LMO3: variants seen among roughly 807,000 people sequenced by gnomAD.
LMO3 encodes LIM domain only 3.
A neutral mutation model predicts 15.8 loss-of-function variants in LMO3; 2 were observed. The ratio of observed to expected loss-of-function variants is 0.13; its 90% CI spans 0.05 to 0.40. The LOEUF (loss-of-function observed/expected upper bound fraction) is 0.40, where lower values mean the gene tolerates loss of function less well. LMO3 is among the 10% of genes least tolerant of loss of function. LMO3 has a pLI of 0.99. For synonymous variants in LMO3, 62 were observed against 63.8 expected (o/e 0.97, Z 0.13); for missense variants, 86 against 182.2 (o/e 0.47, Z 3.04).
chr12:16,577,433 T>C (rs1005492991), intron 2 of LMO3, among the ~76,000 whole-genome samples: 3 of 152,274 alleles, frequency 2.0e-5, no homozygotes, highest in Middle Eastern at 3.4e-3. Flanking sequence ...ATCATATAGG[T>C]TGTCATCTTA....
chr12:16,551,702 A>G (rs1941997301), intron 3 of LMO3, among the ~76,000 whole-genome samples: 1 of 151,974 alleles, frequency 6.6e-6, no homozygotes, highest in Non-Finnish European at 1.5e-5. Flanking sequence ...CACTGCAGTA[A>G]TTATGGATGA....
At chr12:16,561,647 A>G (rs1942410238) in intron 2 of LMO3, among the ~76,000 whole-genome samples, 1 of 152,226 alleles carries the variant, frequency 6.6e-6, no homozygotes, top group Non-Finnish European at 1.5e-5. Context: ...GAAGTCTCTC[A>G]TTACTTTCTG....
At chr12:16,609,982 C>A (rs942554958), upstream of LMO3, 1 of 151,138 alleles carries the variant, frequency 6.6e-6, no homozygotes, top group Non-Finnish European at 1.5e-5. Context: ...ATAGCACACC[C>A]TGAAAGTCCA....
At chr12:16,558,813 G>T (rs567088205) in intron 3 of LMO3, among the ~76,000 whole-genome samples, 17 of 152,248 alleles carry the variant, frequency 1.1e-4, no homozygotes, top group Non-Finnish European at 2.4e-4. Flanking sequence ...AAATTATAAA[G>T]ATAACTAACT....
Position 16,550,558 on chromosome 12 carries a change from T to C in LMO3, c.*664A>G, listed in dbSNP as rs959558371. 6 of 152,384 alleles carry C rather than the reference T, an allele frequency of 3.9e-5. No homozygotes were observed. The highest frequency in any genetic ancestry group is 8.8e-5 in the Non-Finnish European group (6 of 67,898). The allele number at this position is 152,384 out of a possible 1,614,324, so 9.4% of individuals were successfully genotyped here. A position where few individuals can be genotyped will look rare whatever the true frequency, so the allele number is the denominator to read the frequency against. On this transcript the variant is annotated 3_prime_UTR_variant, in exon 4 of 4. Coordinates refer to ENST00000537304, the MANE Select transcript of LMO3 (RefSeq NM_018640.5). Reference sequence around the variant, plus strand: ...TGCTTTAAGATGAAATTTTTATGTATTTTTTTAAAGCTGATTTTTAACCCC... The same window carrying C: ...TGCTTTAAGATGAAATTTTTATGTACTTTTTTAAAGCTGATTTTTAACCCC...
intron 1 of LMO3, chr12:16,605,446 C>T (rs1422981556): frequency 6.3e-6 from 5 of 788,000 alleles, no homozygotes; most frequent in African/African-American, 1.9e-5. Flanking sequence ...GCCCCCCCCC[C>T]CCGCCCCCAT....
intron 1 of LMO3, chr12:16,605,127 G>T (rs1943946286): frequency 7.0e-7 from 1 of 1,421,388 alleles, no homozygotes; most frequent in Non-Finnish European, 9.2e-7. Context: ...GCCCCTCGCA[G>T]TGTGCAAAAT....
chr12:16,594,122 A>G (rs1230839659), intron 2 of LMO3: 1 of 1,531,608 alleles, frequency 6.5e-7, no homozygotes, highest in South Asian at 1.2e-5. Flanking sequence ...GAATTTTACA[A>G]GTTTTAAAGC....
intron 3 of LMO3, among the ~76,000 whole-genome samples, chr12:16,551,533 T>G (rs1452443883): frequency 6.6e-6 from 1 of 151,854 alleles, no homozygotes; most frequent in South Asian, 2.1e-4. Flanking sequence ...AAATCTTGCC[T>G]TTGCATGCAA....
In LMO3 at chr12:16,604,856, TAACC is replaced by T; in HGVS notation, c.-9+1206_-9+1209del. ...AGCAAAGTGCATCTATGATAGACTG[TAACC>T]TTACCAAAACTTTTCTCCTTTTTCT... On this transcript the variant is annotated intron_variant, in intron 1 of 3. Coordinates refer to ENST00000537304, the MANE Select transcript of LMO3 (RefSeq NM_018640.5). This position sits in a 1 kb window ranked among gnomAD's most constrained non-coding sequence, Gnocchi z 5.3. 4 of 1,598,458 alleles carry T rather than the reference TAACC, an allele frequency of 2.5e-6. No individual in the cohort carries two copies. Among genetic ancestry groups the T allele is most frequent in the Non-Finnish European group, 3.4e-6 (4 of 1,179,784 alleles).
rs1308310209 is a variant in LMO3, at chr12:16,571,036, TAATA to T, written c.207-10502_207-10499del. Among the ~76,000 whole-genome samples the T allele has an allele frequency of 3.9e-5, 6 of 152,056 alleles. 1 individual carries two copies. The highest frequency in any genetic ancestry group is 8.8e-5 in the Non-Finnish European group (6 of 67,974). ...TACCCTAAAACTTAAAGTATAATAA[TAATA>T]AATTTTAAAAAAATCTATTATCTAC... is the stretch of plus-strand genomic sequence containing the variant. On this transcript the variant is annotated intron_variant, in intron 2 of 3. Coordinates refer to ENST00000537304, the MANE Select transcript of LMO3 (RefSeq NM_018640.5).
At chr12:16,558,575 C>CA (rs149571899) in intron 3 of LMO3, among the ~76,000 whole-genome samples, 4,416 of 152,062 alleles carry the variant, frequency 0.029, 210 homozygotes, top group African/African-American at 0.1. Context: ...GTGCATTTGC[C>CA]AATTTATTTT....
intron 2 of LMO3, among the ~76,000 whole-genome samples, chr12:16,572,835 T>TCTAAGGATA (rs1942861867): frequency 6.6e-6 from 1 of 151,770 alleles, no homozygotes; most frequent in East Asian, 1.9e-4. Flanking sequence ...AGTAATTTGC[T>TCTAAGGATA]CTAAGGATAC....
intron 2 of LMO3, chr12:16,567,494 C>G (rs1327640251): frequency 2.0e-5 from 3 of 152,286 alleles, no homozygotes; most frequent in Non-Finnish European, 4.4e-5. Flanking sequence ...GAAGACAAAC[C>G]AGCTGAAGCA....
intron 2 of LMO3, among the ~76,000 whole-genome samples, chr12:16,583,802 G>A (rs1013529106): frequency 6.6e-6 from 1 of 152,182 alleles, no homozygotes; most frequent in African/African-American, 2.4e-5. Context: ...AGGAGACACA[G>A]AAGATGGAAG....
Position 16,597,947 on chromosome 12 carries a change from T to A in LMO3, c.206+2708A>T, listed in dbSNP as rs764370123. On this transcript the variant is annotated intron_variant, in intron 2 of 3. Coordinates refer to ENST00000537304, the MANE Select transcript of LMO3 (RefSeq NM_018640.5). This position sits in a 1 kb window ranked among gnomAD's most constrained non-coding sequence, Gnocchi z 5.0. ...CTATGTAATTAAATAAACAATTAGA[T>A]AGTGGCAACTTTAGGTGTACCTTCC... The A allele has an allele frequency of 2.6e-5, 4 of 151,998 alleles. No homozygotes were observed. Among genetic ancestry groups the A allele is most frequent in the African/African-American group, 4.8e-5 (2 of 41,454 alleles). 9.4% of individuals were successfully genotyped at this position (151,998 alleles called of 1,614,324 possible). A position where few individuals can be genotyped will look rare whatever the true frequency, so the allele number is the denominator to read the frequency against.
intron 2 of LMO3, among the ~76,000 whole-genome samples, chr12:16,580,230 A>T (rs1350182154): frequency 6.6e-6 from 1 of 152,118 alleles, no homozygotes; most frequent in Non-Finnish European, 1.5e-5. Flanking sequence ...TCTCCCTAGT[A>T]GCTTAGACTA....
At chr12:16,568,999 A>C (rs2137416442) in intron 2 of LMO3, among the ~76,000 whole-genome samples, 1 of 152,364 alleles carries the variant, frequency 6.6e-6, no homozygotes, top group Admixed American at 6.5e-5. Context: ...GAATCATTAT[A>C]GCTCTCTCAT....
At position 16,572,429 on chromosome 12, in the gene LMO3, T is replaced by TA. The variant is rs565584358; in HGVS notation, c.207-11892dup. Reference sequence around the variant, plus strand: ...TAGAATGTGTATCTATCTTCTTTATTAAAAAAAAAACAGAGCTACTAAGCT... The same window carrying TA: ...TAGAATGTGTATCTATCTTCTTTATTAAAAAAAAAAACAGAGCTACTAAGCT... On this transcript the variant is annotated intron_variant, in intron 2 of 3. Transcript: ENST00000537304. 9.2e-3 allele frequency among the ~76,000 whole-genome samples: 1,303 copies of TA among 142,010 alleles called. 7 individuals are homozygous for TA. The highest frequency in any genetic ancestry group is 0.013 in the Non-Finnish European group (840 of 64,932). 93.2% of individuals were successfully genotyped at this position (142,010 alleles called of 152,430 possible).
Sources: gnomAD v4.1 joint callset for allele counts (sites outside exome capture counted in the v4.1 genomes callset) on GRCh38, gnomAD v4.1.1 for gene constraint, Gnocchi (gnomAD v3.1) non-coding constraint, MANE v1.5 for transcripts, NCBI Gene and HGNC (gene_info 2026-07-23, HGNC 2026-07-21) for gene names.